The following PTPRM variants were observed in gnomAD, a reference collection of about 807,000 sequenced individuals.
PTPRM encodes the protein protein tyrosine phosphatase receptor type M, also known as receptor-type tyrosine-protein phosphatase mu.
In PTPRM, 47 loss-of-function variants were observed where a neutral mutation model predicts 186.7. The ratio of observed to expected loss-of-function variants is 0.25; its 90% CI spans 0.20 to 0.32. PTPRM has a LOEUF of 0.32. Ranked by LOEUF, PTPRM falls within the 10% of genes least tolerant of loss-of-function variation. PTPRM has a pLI of 1.00. For missense variants in PTPRM, 1,494 were observed against 1,865.0 expected (o/e 0.80, Z 3.66); for synonymous variants, 668 against 674.9 (o/e 0.99, Z 0.16).
At chr18:8,136,484 GA>G (rs1458618421) in intron 13 of PTPRM, among the ~76,000 whole-genome samples, 4 of 152,024 alleles carry the variant, frequency 2.6e-5, no homozygotes, top group African/African-American at 9.7e-5. Context: ...AAAAAAGATT[GA>G]TTTTTTTAGA....
chr18:7,792,891 T>C (rs1362823358), intron 2 of PTPRM, among the ~76,000 whole-genome samples: 1 of 152,126 alleles, frequency 6.6e-6, no homozygotes, highest in African/African-American at 2.4e-5. Context: ...TCTCAAACTC[T>C]TGGGCTCAAG....
chr18:7,792,718 G>T (rs973302119), intron 2 of PTPRM, among the ~76,000 whole-genome samples: 1 of 152,084 alleles, frequency 6.6e-6, no homozygotes, highest in Non-Finnish European at 1.5e-5. Flanking sequence ...CAGCTGGAGT[G>T]CAGTGGTGCG....
At chr18:7,926,746 G>A (rs2051195905) in intron 5 of PTPRM, 63 bp downstream of exon 5, 1 of 1,241,544 alleles carries the variant, frequency 8.1e-7, no homozygotes, top group East Asian at 2.5e-5. Context: ...TCCCCCTGGA[G>A]GAGGAACCCA....
intron 14 of PTPRM, among the ~76,000 whole-genome samples, chr18:8,194,226 C>T (rs1451528837): frequency 6.6e-6 from 1 of 152,152 alleles, no homozygotes; most frequent in African/African-American, 2.4e-5. Context: ...TGTCTTCATC[C>T]CCTTCATCTC....
At chr18:7,900,115 T>C (rs904662339) in intron 3 of PTPRM, among the ~76,000 whole-genome samples, 1 of 152,212 alleles carries the variant, frequency 6.6e-6, no homozygotes, top group African/African-American at 2.4e-5. Flanking sequence ...GAAAGTTTTC[T>C]CTAAAAACAG....
At chr18:7,755,864 G>A (rs1034405601) in intron 1 of PTPRM, among the ~76,000 whole-genome samples, 2 of 152,144 alleles carry the variant, frequency 1.3e-5, no homozygotes, top group African/African-American at 4.8e-5. Flanking sequence ...GGCTGCTGTG[G>A]TCATACAGTT....
intron 23 of PTPRM, among the ~76,000 whole-genome samples, chr18:8,344,056 T>A (rs1185912468): frequency 6.6e-6 from 1 of 152,228 alleles, no homozygotes; most frequent in Non-Finnish European, 1.5e-5. Context: ...TGCTTTTATT[T>A]AACCAGGAAA....
At chr18:8,027,073 T>C (rs1423535351) in intron 7 of PTPRM, among the ~76,000 whole-genome samples, 1 of 152,210 alleles carries the variant, frequency 6.6e-6, no homozygotes, top group Non-Finnish European at 1.5e-5. Flanking sequence ...CCATTTTTAC[T>C]GGCTTATATT....
chr18:7,695,816 A>G (rs993304783), intron 1 of PTPRM, among the ~76,000 whole-genome samples: 4 of 152,196 alleles, frequency 2.6e-5, no homozygotes, highest in African/African-American at 7.2e-5. Flanking sequence ...TCCACTTTGT[A>G]TCATCCACAA....
At position 8,393,623 on chromosome 18, in the gene PTPRM, C is replaced by T. The variant is rs142890736; in HGVS notation, c.4209-853C>T. Among the ~76,000 whole-genome samples the T allele has an allele frequency of 3.3e-3, 497 of 152,256 alleles. 4 individuals carry two copies. The highest frequency in any genetic ancestry group is 0.012 in the African/African-American group (482 of 41,534). On this transcript the variant is annotated intron_variant, in intron 31 of 32. Coordinates refer to ENST00000580170, the MANE Select transcript of PTPRM (RefSeq NM_001105244.2). ...CATCACGTTCTTGGTTTGCATAATG[C>T]GCTGTGGGCAAGTAAGGTGTTCATA...
chr18:8,202,955 G>C (rs2093878588), intron 14 of PTPRM, among the ~76,000 whole-genome samples: 1 of 152,106 alleles, frequency 6.6e-6, no homozygotes, highest in Middle Eastern at 3.2e-3. Flanking sequence ...GCTAAACTCA[G>C]CTCAGGCAGC....
intron 13 of PTPRM, among the ~76,000 whole-genome samples, chr18:8,125,467 CA>C (rs1281685480): frequency 6.6e-6 from 1 of 152,034 alleles, no homozygotes; most frequent in African/African-American, 2.4e-5. Flanking sequence ...ACCGTACTTC[CA>C]ACACTACTCA....
At chr18:7,957,559 A>G (rs1251185455) in intron 7 of PTPRM, among the ~76,000 whole-genome samples, 1 of 152,112 alleles carries the variant, frequency 6.6e-6, no homozygotes, top group Non-Finnish European at 1.5e-5. Flanking sequence ...GCTGGCATGG[A>G]GTCACCCTTA....
intron 1 of PTPRM, among the ~76,000 whole-genome samples, chr18:7,652,253 A>G (rs1394193811): frequency 1.3e-5 from 2 of 152,220 alleles, no homozygotes; most frequent in Non-Finnish European, 2.9e-5. Context: ...TCAGGAAACA[A>G]CAGGTGCTGG....
At chr18:7,870,781 T>G (rs1377458588) in intron 2 of PTPRM, among the ~76,000 whole-genome samples, 1 of 152,196 alleles carries the variant, frequency 6.6e-6, no homozygotes, top group African/African-American at 2.4e-5. Context: ...CTTTCTCCTC[T>G]GGGCCTGGCT....
intron 7 of PTPRM, among the ~76,000 whole-genome samples, chr18:8,000,484 TAACAG>T (rs2083806011): frequency 6.6e-6 from 1 of 152,216 alleles, no homozygotes; most frequent in African/African-American, 2.4e-5. Context: ...TGTATTTGAA[TAACAG>T]AATTCTCACT....
intron 1 of PTPRM, among the ~76,000 whole-genome samples, chr18:7,719,239 T>C (rs1437714229): frequency 6.6e-6 from 1 of 152,224 alleles, no homozygotes. Flanking sequence ...ATAATGGCCT[T>C]TGCAGCAATT....
chr18:8,111,859 C>T (rs1433815404), intron 11 of PTPRM, among the ~76,000 whole-genome samples: 1 of 152,184 alleles, frequency 6.6e-6, no homozygotes, highest in African/African-American at 2.4e-5. Context: ...CAGACCAGTG[C>T]ATTGTCTTTA....
At chr18:8,151,694 A>G (rs901477175) in intron 14 of PTPRM, among the ~76,000 whole-genome samples, 3 of 145,122 alleles carry the variant, frequency 2.1e-5, no homozygotes, top group African/African-American at 7.7e-5. Context: ...GGGGTATGGA[A>G]AAAAAAAAAA....
Sources: gnomAD v4.1 joint callset for allele counts (sites outside exome capture counted in the v4.1 genomes callset) on GRCh38, gnomAD v4.1.1 for gene constraint, MANE v1.5 for transcripts, NCBI Gene and HGNC (gene_info 2026-07-23, HGNC 2026-07-21) for gene names.